The following TSACC variants were observed in gnomAD, a reference collection of about 807,000 sequenced individuals.
TSACC encodes the protein TSSK6 activating cochaperone.
A neutral mutation model predicts 6.9 loss-of-function variants in TSACC; 3 were observed. That is an observed-to-expected ratio of 0.43 (90% CI 0.20 to 1.12). The LOEUF (loss-of-function observed/expected upper bound fraction) is 1.12, where lower values mean the gene tolerates loss of function less well. Among genes scored for constraint, TSACC ranks in the 50% most tolerant of loss-of-function variants. TSACC has a pLI of 0.28. For synonymous variants in TSACC, 54 were observed against 55.1 expected (o/e 0.98, Z 0.09); for missense variants, 137 against 143.9 (o/e 0.95, Z 0.24).
At chr1:156,338,315 G>T (rs1665555783), upstream of TSACC, 2 of 855,660 alleles carry the variant, frequency 2.3e-6, no homozygotes, top group African/African-American at 1.7e-5. Flanking sequence ...TACTCTCAAG[G>T]TAGTCGCCAA....
intron 3 of TSACC, among the ~76,000 whole-genome samples, chr1:156,345,937 T>C (rs1666148287): frequency 6.6e-6 from 1 of 151,056 alleles, no homozygotes; most frequent in Admixed American, 6.6e-5. Context: ...CTCACACTTG[T>C]AATACCAGCA....
chr1:156,345,305 G>A (rs1335205574), intron 3 of TSACC, among the ~76,000 whole-genome samples: 2 of 152,252 alleles, frequency 1.3e-5, no homozygotes, highest in Non-Finnish European at 1.5e-5. Context: ...GCTCATCCCT[G>A]TAATCCCAGC....
intron 3 of TSACC, among the ~76,000 whole-genome samples, chr1:156,346,336 G>A (rs553516212): frequency 6.6e-6 from 1 of 152,246 alleles, no homozygotes; most frequent in Non-Finnish European, 1.5e-5. Flanking sequence ...GAGCTCTAGG[G>A]AAGGTAGGCC....
upstream of TSACC, chr1:156,337,331 C>A: frequency 3.8e-6 from 1 of 263,408 alleles, no homozygotes; most frequent in Non-Finnish European, 7.5e-6. Context: ...TCGCTTGAAC[C>A]TGGGAGGCAG....
At chr1:156,338,058 G>T, upstream of TSACC, 1 of 1,334,078 alleles carries the variant, frequency 7.5e-7, no homozygotes, top group Non-Finnish European at 1.1e-6. Flanking sequence ...AGGCTCAGTG[G>T]CCCGGTCAGT....
chr1:156,339,267 A>C lies in TSACC; in HGVS notation c.-124-367A>C, dbSNP rs534873083. 1.3e-3 allele frequency among the ~76,000 whole-genome samples: 192 copies of C among 152,144 alleles called. 1 individual carries two copies. The highest frequency in any genetic ancestry group is 4.4e-3 in the African/African-American group (182 of 41,514). On this transcript the variant is annotated intron_variant, in intron 1 of 3. Coordinates refer to ENST00000368254, the MANE Select transcript of TSACC (RefSeq NM_001304817.2). ...GACAGAGCGAGACTCCATCTCAAAA[A>C]AAAAAAAAAAAGTATTCCCTGTGGT... is the stretch of plus-strand genomic sequence containing the variant.
chr1:156,341,885 A>C (rs1211488833), intron 2 of TSACC, among the ~76,000 whole-genome samples: 1 of 152,002 alleles, frequency 6.6e-6, no homozygotes, highest in African/African-American at 2.4e-5. Flanking sequence ...AACACGGTGA[A>C]ACCCGTCTCT....
chr1:156,344,675 T>C lies in TSACC; in HGVS notation c.130T>C (p.Phe44Leu), dbSNP rs1666074582. Residue 44 changes from phenylalanine to leucine, a missense_variant, in exon 3 of 4, where the codon TTT (phenylalanine) becomes CTT (leucine). Coordinates refer to ENST00000368254, the MANE Select transcript of TSACC (RefSeq NM_001304817.2). ...TCAAGCAAGTTCCCCACCAGCCACT[T>C]TTCTGAACATCCAGACAACAAAGCT... Reference protein sequence around the residue: ...NLQASSPPATFLNIQTTKLPS... With the variant: ...NLQASSPPATLLNIQTTKLPS... The C allele has an allele frequency of 6.2e-7, 1 of 1,613,964 alleles. No individual in the cohort carries two copies. The highest frequency in any genetic ancestry group is 1.3e-5 in the African/African-American group (1 of 74,926).
chr1:156,339,885 T>C, intron 2 of TSACC, 94 bp downstream of exon 2: 2 of 1,331,870 alleles, frequency 1.5e-6, no homozygotes, highest in South Asian at 1.2e-5. Context: ...TCCCAGCACC[T>C]AGAACTGGAT....
At chr1:156,343,592 C>T (rs1423616799) in intron 2 of TSACC, among the ~76,000 whole-genome samples, 3 of 152,164 alleles carry the variant, frequency 2.0e-5, no homozygotes, top group East Asian at 1.9e-4. Flanking sequence ...TTACCTCATG[C>T]GCCTAATCCC....
At position 156,344,703 on chromosome 1, in the gene TSACC, C is replaced by T; in HGVS notation, c.158C>T (p.Pro53Leu). ...CTGAACATCCAGACAACAAAGCTGC[C>T]CTCGGGTAAGGATGTAGGGAGGGTT... ...TFLNIQTTKL[P>L]SVDHKPKECL... Residue 53 changes from proline to leucine, a missense_variant, in exon 3 of 4, where the codon CCC becomes CTC. Coordinates refer to ENST00000368254, the MANE Select transcript of TSACC (RefSeq NM_001304817.2). 6.2e-7 allele frequency: 1 copy of T among 1,613,884 alleles called. No individual in the cohort carries two copies. Among genetic ancestry groups the T allele is most frequent in the East Asian group, 2.2e-5 (1 of 44,884 alleles).
At chr1:156,337,827 T>A, upstream of TSACC, 1 of 410,392 alleles carries the variant, frequency 2.4e-6, no homozygotes. Context: ...TTCGTGCAGC[T>A]ACATAGCGAC....
rs765102723 is a variant in TSACC, at chr1:156,346,838, G to A, written c.234G>A (p.Gln78=). The change falls in exon 4 of 4, where the codon CAG becomes CAA. Residue 78 remains glutamine, a synonymous_variant. Transcript: ENST00000368254. ...CMYANLQLQT[Q]LAQQQMAVLE... ...ATGCAAACCTCCAGCTTCAGACCCAGCTCGCCCAACAACAGATGGCTGTTT... is the reference window on the plus strand; with the variant it reads ...ATGCAAACCTCCAGCTTCAGACCCAACTCGCCCAACAACAGATGGCTGTTT... 3.7e-6 allele frequency: 6 copies of A among 1,614,036 alleles called. No individual in the cohort carries two copies. Among genetic ancestry groups the A allele is most frequent in the Non-Finnish European group, 5.1e-6 (6 of 1,180,036 alleles).
At chr1:156,342,786 CTG>C (rs904073297) in intron 2 of TSACC, among the ~76,000 whole-genome samples, 2 of 152,254 alleles carry the variant, frequency 1.3e-5, no homozygotes, top group African/African-American at 4.8e-5. Flanking sequence ...GTTTAGCAAA[CTG>C]TGGTATCCAC....
At chr1:156,344,048 A>G (rs1666035967) in intron 2 of TSACC, among the ~76,000 whole-genome samples, 1 of 152,094 alleles carries the variant, frequency 6.6e-6, no homozygotes, top group African/African-American at 2.4e-5. Context: ...CCGCTTCTCA[A>G]GTTTTTAAGG....
intron 1 of TSACC, 41 bp downstream of exon 1, chr1:156,338,646 G>C (rs1157496956): frequency 5.7e-6 from 1 of 176,398 alleles, no homozygotes; most frequent in Non-Finnish European, 1.2e-5. Context: ...GGCTCCTATC[G>C]GACCGTGAAG....
rs372327299 is a variant in TSACC, at chr1:156,345,842, G to A, written c.164-926G>A. Among the ~76,000 whole-genome samples the A allele has an allele frequency of 4.6e-5, 7 of 151,366 alleles. No homozygotes were observed. In the East Asian group the frequency reaches 9.7e-4, roughly 21 times the overall value. ...GGATTGTGCCGCTGCACTGCATCCT[G>A]GGAGACAGAGCAAGGCTCCATTGAA... On this transcript the variant is annotated intron_variant, in intron 3 of 3. Coordinates refer to ENST00000368254, the MANE Select transcript of TSACC (RefSeq NM_001304817.2).
chr1:156,341,272 A>T (rs1204984931), intron 2 of TSACC, among the ~76,000 whole-genome samples: 3 of 152,232 alleles, frequency 2.0e-5, no homozygotes, highest in African/African-American at 4.8e-5. Flanking sequence ...CACACATATC[A>T]ACTGTGGAAT....
At chr1:156,340,753 G>C (rs1665833190) in intron 2 of TSACC, among the ~76,000 whole-genome samples, 1 of 152,240 alleles carries the variant, frequency 6.6e-6, no homozygotes, top group Non-Finnish European at 1.5e-5. Flanking sequence ...GAGCCACCGC[G>C]CCCAGCCCCA....
Sources: gnomAD v4.1 joint callset for allele counts (sites outside exome capture counted in the v4.1 genomes callset) on GRCh38, gnomAD v4.1.1 for gene constraint, MANE v1.5 for transcripts, NCBI Gene and HGNC (gene_info 2026-07-23, HGNC 2026-07-21) for gene names.